The following COPS3 variants were observed in gnomAD, a reference collection of about 807,000 sequenced individuals.
COPS3 encodes the protein COP9 signalosome subunit 3, also known as COP9 signalosome complex subunit 3.
A neutral mutation model predicts 58.2 loss-of-function variants in COPS3; 10 were observed. That is an observed-to-expected ratio of 0.17 (90% CI 0.11 to 0.29). COPS3 has a LOEUF of 0.29. Among genes scored for constraint, COPS3 ranks in the 10% least tolerant of loss-of-function variants. The pLI is 1.00. For synonymous variants in COPS3, 187 were observed against 181.7 expected (o/e 1.03, Z -0.24); for missense variants, 333 against 510.1 (o/e 0.65, Z 3.34).
intron 2 of COPS3, among the ~76,000 whole-genome samples, chr17:17,274,350 ATTG>A (rs1458945826): frequency 6.6e-6 from 1 of 152,184 alleles, no homozygotes; most frequent in Non-Finnish European, 1.5e-5. Flanking sequence ...GTATGGTGAC[ATTG>A]TTAAGTCAAA....
At chr17:17,279,131 C>T (rs1296025571) in intron 1 of COPS3, among the ~76,000 whole-genome samples, 1 of 152,138 alleles carries the variant, frequency 6.6e-6, no homozygotes, top group Admixed American at 6.5e-5. Context: ...GCCTCGGCCT[C>T]CCAAAGTGCT....
chr17:17,247,593 G>A (rs766790009), intron 10 of COPS3, 33 bp from the exon 11 acceptor site: 16 of 1,604,556 alleles, frequency 1.0e-5, no homozygotes, highest in South Asian at 2.2e-5. Context: ...GGTGGTCAGC[G>A]GCGGGTTTAG....
chr17:17,251,289 C>T (rs565157644), intron 9 of COPS3, among the ~76,000 whole-genome samples: 5 of 150,582 alleles, frequency 3.3e-5, no homozygotes, highest in South Asian at 4.2e-4. Context: ...CCACCATACC[C>T]GGCCTATTTA....
At chr17:17,278,349 A>G (rs571453174) in intron 1 of COPS3, among the ~76,000 whole-genome samples, 6 of 152,326 alleles carry the variant, frequency 3.9e-5, no homozygotes, top group Admixed American at 3.9e-4. Context: ...TTCCTTACTA[A>G]AAGAATACAA....
intron 9 of COPS3, among the ~76,000 whole-genome samples, chr17:17,249,475 C>T (rs1041651763): frequency 6.6e-6 from 1 of 152,022 alleles, no homozygotes; most frequent in Non-Finnish European, 1.5e-5. Context: ...AGGTGCCCGC[C>T]ACCACACCAG....
intron 5 of COPS3, among the ~76,000 whole-genome samples, chr17:17,266,934 C>T (rs1333038200): frequency 4.0e-5 from 6 of 151,572 alleles, no homozygotes; most frequent in South Asian, 2.1e-4. Flanking sequence ...TCTGGAACTC[C>T]GGACCTCAGG....
At chr17:17,279,908 A>T (rs2048538298) in intron 1 of COPS3, among the ~76,000 whole-genome samples, 1 of 152,188 alleles carries the variant, frequency 6.6e-6, no homozygotes, top group Non-Finnish European at 1.5e-5. Context: ...GTACATTCAT[A>T]CGCAATGAAT....
At chr17:17,269,881 G>A (rs1186187830) in intron 4 of COPS3, among the ~76,000 whole-genome samples, 1 of 152,204 alleles carries the variant, frequency 6.6e-6, no homozygotes, top group Non-Finnish European at 1.5e-5. Context: ...TCTGGGCCGG[G>A]CGTGGTGGCT....
rs181624955 is a variant in COPS3, at chr17:17,255,561, G to A, written c.937-616C>T. ...TGTAGATGACTTAAAACTGATGGGC[G>A]AGGGGTGGTGGCTCACACCTGTAAT... On this transcript the variant is annotated intron_variant, in intron 8 of 11. Coordinates refer to ENST00000268717, the MANE Select transcript of COPS3 (RefSeq NM_003653.4). Among the ~76,000 whole-genome samples, 285 of 149,932 alleles carry A rather than the reference G, an allele frequency of 1.9e-3. 3 individuals are homozygous for A. The highest frequency in any genetic ancestry group is 6.7e-3 in the African/African-American group (270 of 40,572).
intron 1 of COPS3, among the ~76,000 whole-genome samples, chr17:17,280,116 A>C (rs1429727610): frequency 6.6e-6 from 1 of 152,244 alleles, no homozygotes; most frequent in South Asian, 2.1e-4. Flanking sequence ...AAATACGAAA[A>C]AATTAGCCGC....
Position 17,280,864 on chromosome 17 carries a change from C to A in COPS3, c.55+268G>T. 3.6e-6 allele frequency: 4 copies of A among 1,110,388 alleles called. No individual in the cohort carries two copies. The South Asian group carries it at 5.3e-5, about 15-fold the overall frequency. The allele number at this position is 1,110,388 out of a possible 1,614,324, so 68.8% of individuals were successfully genotyped here. A position where few individuals can be genotyped will look rare whatever the true frequency, so the allele number is the denominator to read the frequency against. The stretch of plus-strand genomic sequence containing the variant: ...CCCCCAAACTGTCAAGCAAAGCGCC[C>A]GGTGGAAGGGGCCCAGGCCGGGGGG... On this transcript the variant is annotated intron_variant, in intron 1 of 11. Transcript: ENST00000268717.
intron 11 of COPS3, 144 bp downstream of exon 11, chr17:17,247,334 GCT>G: frequency 3.2e-6 from 3 of 924,028 alleles, no homozygotes; most frequent in Non-Finnish European, 5.2e-6. Context: ...ATTTGAAAAT[GCT>G]CTCAACTAGT....
chr17:17,251,443 C>T (rs547428253), intron 9 of COPS3, among the ~76,000 whole-genome samples: 6 of 151,486 alleles, frequency 4.0e-5, no homozygotes, highest in East Asian at 2.0e-4. Context: ...TACAGGCGCC[C>T]GCCATCATGC....
intron 6 of COPS3, among the ~76,000 whole-genome samples, chr17:17,264,475 C>G (rs905784508): frequency 6.6e-6 from 1 of 152,166 alleles, no homozygotes; most frequent in Non-Finnish European, 1.5e-5. Context: ...TAAGACACAA[C>G]CAAGATCACT....
chr17:17,269,853 A>G (rs1015764121), intron 4 of COPS3, among the ~76,000 whole-genome samples: 2 of 152,148 alleles, frequency 1.3e-5, no homozygotes, highest in African/African-American at 4.8e-5. Flanking sequence ...TTGTTGATGC[A>G]TTATATTAAC....
chr17:17,265,399 AC>A (rs1307639558), intron 5 of COPS3, among the ~76,000 whole-genome samples: 1 of 142,916 alleles, frequency 7.0e-6, no homozygotes, highest in African/African-American at 2.6e-5. Context: ...AAACAGCATT[AC>A]CTTTTTTTTT....
At chr17:17,257,315 G>A (rs2047997019) in intron 8 of COPS3, among the ~76,000 whole-genome samples, 1 of 150,204 alleles carries the variant, frequency 6.7e-6, no homozygotes, top group Non-Finnish European at 1.5e-5. Flanking sequence ...AGTGAGCAAA[G>A]ATCGCACCAC....
chr17:17,247,581 A>G, intron 10 of COPS3, 21 bp from the exon 11 acceptor site: 1 of 1,613,854 alleles, frequency 6.2e-7, no homozygotes, highest in Non-Finnish European at 8.5e-7. Context: ...GGCACATTAG[A>G]AGGTGGTCAG....
intron 8 of COPS3, among the ~76,000 whole-genome samples, chr17:17,256,043 G>C (rs1159599430): frequency 3.3e-5 from 5 of 150,654 alleles, no homozygotes; most frequent in Non-Finnish European, 7.4e-5. Flanking sequence ...GCCGGGCGTG[G>C]TGGTGGGCAC....
Sources: allele counts gnomAD v4.1 joint callset (sites outside exome capture counted in the v4.1 genomes callset), GRCh38; gene constraint gnomAD v4.1.1; transcripts MANE v1.5; gene names NCBI Gene and HGNC (gene_info 2026-07-23, HGNC 2026-07-21).